The following SYNPO2L variants were observed in gnomAD, a reference collection of about 807,000 sequenced individuals.
SYNPO2L encodes synaptopodin 2 like, also known as synaptopodin 2-like protein.
In SYNPO2L, 34 loss-of-function variants were observed where a neutral mutation model predicts 47.5. That is an observed-to-expected ratio of 0.72 (90% CI 0.54 to 0.95). SYNPO2L has a LOEUF of 0.95. SYNPO2L is among the 40% of genes least tolerant of loss of function. SYNPO2L has a pLI of 0.00. For missense variants in SYNPO2L, 1,246 were observed against 1,282.0 expected (o/e 0.97, Z 0.43); for synonymous variants, 536 against 524.9 (o/e 1.02, Z -0.29).
rs548332100 is a variant in SYNPO2L, at chr10:73,646,426, G to A, written c.*292C>T. The A allele has an allele frequency of 3.5e-6, 4 of 1,130,928 alleles. No individual in the cohort carries two copies. The highest frequency in any genetic ancestry group is 4.3e-6 in the Non-Finnish European group (4 of 924,852). 70.1% of individuals were successfully genotyped at this position (1,130,928 alleles called of 1,614,324 possible). On this transcript the variant is annotated 3_prime_UTR_variant, in exon 4 of 4. Coordinates refer to ENST00000394810, the MANE Select transcript of SYNPO2L (RefSeq NM_001114133.3). ...AAAAGCACAAATGTCAAGGAAGAGA[G>A]ATCTGTGGAGGAATATGGGTGGAGA...
rs932522819 is a variant in SYNPO2L at position 73,653,670 on chromosome 10, A to G, written c.258-17T>C. 5 of 1,522,388 alleles carry G rather than the reference A, an allele frequency of 3.3e-6. No homozygotes were observed. In the African/African-American group the frequency reaches 6.9e-5, roughly 21 times the overall value. The allele number at this position is 1,522,388 out of a possible 1,614,324, so 94.3% of individuals were successfully genotyped here. On this transcript the variant is annotated splice_polypyrimidine_tract_variant and intron_variant, in intron 2 of 3. Transcript: ENST00000394810. ...TCTGCTAACCTGGATAGGAAAGATG[A>G]CAGAGCTTGAGAGATGGGCTGGGTA...
rs1589450750 is a variant in SYNPO2L at position 73,647,145 on chromosome 10, G to A, written c.2507C>T (p.Pro836Leu). 2 of 1,614,114 alleles carry A rather than the reference G, an allele frequency of 1.2e-6. No individual in the cohort carries two copies. Among genetic ancestry groups the A allele is most frequent in the Non-Finnish European group, 1.7e-6 (2 of 1,179,998 alleles). ...GATGCCCTGCTTGGGTGTTGCCCGA[G>A]GCCCCTGGGATTGGGCCTTAGGGAG... ...RTLPKAQSQG[P>L]RATPKQGIKA... Residue 836 changes from proline to leucine, a missense_variant, in exon 4 of 4, where the codon CCT becomes CTT. Coordinates refer to ENST00000394810, the MANE Select transcript of SYNPO2L (RefSeq NM_001114133.3).
At chr10:73,650,186 T>C (rs2081829141) in intron 3 of SYNPO2L, 1 of 985,334 alleles carries the variant, frequency 1.0e-6, no homozygotes, top group African/African-American at 1.7e-5. Flanking sequence ...TGAGATTCCA[T>C]CTACTTTCCA....
chr10:73,651,040 C>T, intron 3 of SYNPO2L: 1 of 1,599,318 alleles, frequency 6.3e-7, no homozygotes. Context: ...GGAGCAGGAC[C>T]AGCTTGAGCC....
At chr10:73,655,764 A>G in intron 1 of SYNPO2L, 54 bp downstream of exon 1, 1 of 1,021,774 alleles carries the variant, frequency 9.8e-7, no homozygotes, top group Non-Finnish European at 1.3e-6. Context: ...ATCTCTTCCC[A>G]GGATCCCTTG....
At chr10:73,655,368 G>A (rs1366353802) in intron 1 of SYNPO2L, among the ~76,000 whole-genome samples, 2 of 151,934 alleles carry the variant, frequency 1.3e-5, no homozygotes, top group Non-Finnish European at 2.9e-5. Context: ...GAAGGCATGG[G>A]CAGGGCAGGG....
At position 73,645,235 on chromosome 10, in the gene SYNPO2L, T is replaced by TCC; in HGVS notation, c.*1481_*1482dup. The TCC allele has an allele frequency of 4.5e-6, 5 of 1,108,462 alleles. No homozygotes were observed. The highest frequency in any genetic ancestry group is 3.3e-6 in the Non-Finnish European group (3 of 896,860). 68.7% of individuals were successfully genotyped at this position (1,108,462 alleles called of 1,614,324 possible). On this transcript the variant is annotated 3_prime_UTR_variant, in exon 4 of 4. Transcript: ENST00000394810. The stretch of plus-strand genomic sequence containing the variant: ...AACACTCAGCACACACCCTCACACC[T>TCC]CCCTTCCACCATCATTCCCTTCCAT...
chr10:73,647,596 A>T lies in SYNPO2L; in HGVS notation c.2056T>A (p.Phe686Ile). Residue 686 changes from phenylalanine to isoleucine, a missense_variant, in exon 4 of 4, where the codon TTC (phenylalanine) becomes ATC (isoleucine). Physicochemically the swap from Phe to Ile is conservative, Grantham distance 21. This residue lies in a region of SYNPO2L where 1,037 missense variants were observed against 1,021.5 expected (regional missense o/e 1.02). Transcript: ENST00000394810. ...ALSLGAEACN[F>I]MQPVGARSYK... ...CTCCTGGCCCCTACTGGCTGCATGAAGTTGCAGGCTTCAGCCCCGAGGCTC... is the reference window on the plus strand; with the variant it reads ...CTCCTGGCCCCTACTGGCTGCATGATGTTGCAGGCTTCAGCCCCGAGGCTC... 6.2e-7 allele frequency: 1 copy of T among 1,613,922 alleles called. No individual in the cohort carries two copies. Among genetic ancestry groups the T allele is most frequent in the Non-Finnish European group, 8.5e-7 (1 of 1,179,898 alleles).
chr10:73,649,080 A>G (rs1183612641), intron 3 of SYNPO2L, among the ~76,000 whole-genome samples: 1 of 152,178 alleles, frequency 6.6e-6, no homozygotes, highest in Non-Finnish European at 1.5e-5. Flanking sequence ...GATAAGGCAG[A>G]GTCCAGTTGG....
chr10:73,645,403 CTGCCA>C lies in SYNPO2L; in HGVS notation c.*1310_*1314del. On this transcript the variant is annotated 3_prime_UTR_variant, in exon 4 of 4. Coordinates refer to ENST00000394810, the MANE Select transcript of SYNPO2L (RefSeq NM_001114133.3). ...GTGGCTCAATCACTTACACTCATTT[CTGCCA>C]TGCTTCTGATTTTGGCCTCACTTGC... 2 of 1,001,512 alleles carry C rather than the reference CTGCCA, an allele frequency of 2.0e-6. No homozygotes were observed. Among genetic ancestry groups the C allele is most frequent in the Non-Finnish European group, 2.4e-6 (2 of 841,092 alleles). 62.0% of individuals were successfully genotyped at this position (1,001,512 alleles called of 1,614,324 possible).
At chr10:73,648,904 G>T (rs1275394717) in intron 3 of SYNPO2L, 25 bp from the exon 4 acceptor site, 1 of 1,485,108 alleles carries the variant, frequency 6.7e-7, no homozygotes, top group African/African-American at 1.4e-5. Context: ...AGGTAAAATG[G>T]TCAGGGGGGC....
At chr10:73,654,683 A>G (rs960487870) in intron 1 of SYNPO2L, among the ~76,000 whole-genome samples, 3 of 152,074 alleles carry the variant, frequency 2.0e-5, no homozygotes, top group African/African-American at 7.2e-5. Flanking sequence ...TCTCTACTAA[A>G]AGTACAAAAA....
chr10:73,654,277 G>A lies in SYNPO2L; in HGVS notation c.109C>T (p.Arg37Ter), dbSNP rs199587394. ...QRKPLQVSKIRRRSQAGRAGL... is the reference protein window; with the variant it reads ...QRKPLQVSKI ...GCTCTGCCAGCCTGGCTCCGTCTTC[G>A]AATCTGAGATGTTGAAGGAGACACT... Residue 37 changes from arginine (R) to a stop codon, truncating the protein, a stop_gained, in exon 2 of 4, where the codon CGA (arginine) becomes TGA (stop). Transcript: ENST00000394810. LOFTEE classifies it high-confidence loss of function. The A allele has an allele frequency of 1.9e-6, 3 of 1,551,328 alleles. No individual in the cohort carries two copies. Among genetic ancestry groups the A allele is most frequent in the African/African-American group, 2.7e-5 (2 of 72,978 alleles).
Position 73,647,866 on chromosome 10 carries a change from C to G in SYNPO2L, c.1786G>C (p.Ala596Pro). 6.5e-7 allele frequency: 1 copy of G among 1,536,194 alleles called. No individual in the cohort carries two copies. Among genetic ancestry groups the G allele is most frequent in the Non-Finnish European group, 8.7e-7 (1 of 1,145,762 alleles). Residue 596 changes from alanine to proline, a missense_variant, in exon 4 of 4, where the codon GCG becomes CCG. Physicochemically the swap from Ala to Pro is conservative, Grantham distance 27. Transcript: ENST00000394810. ...APLRPSARPE[A>P]PAPGPGAPEP... Reference sequence around the variant, plus strand: ...GGAGCCCCTGGGCCTGGGGCAGGCGCCTCTGGGCGCGCAGAGGGTCGCAAA... The same window carrying G: ...GGAGCCCCTGGGCCTGGGGCAGGCGGCTCTGGGCGCGCAGAGGGTCGCAAA...
rs761371733 is a variant in SYNPO2L, at chr10:73,648,687, T to A, written c.965A>T (p.Glu322Val). ...CGTGGGGGGAACGCCGTCCTCCTCCTCAGCGCCTGTCCCAGCAGCAGCCCC... is the reference window on the plus strand; with the variant it reads ...CGTGGGGGGAACGCCGTCCTCCTCCACAGCGCCTGTCCCAGCAGCAGCCCC... ...SFGAAAGTGA[E>V]EEDGVPPTSE... The change falls in exon 4 of 4, where the codon GAG becomes GTG. Residue 322 changes from glutamate (E) to valine (V), a missense_variant. Transcript: ENST00000394810. The A allele has an allele frequency of 6.2e-7, 1 of 1,610,144 alleles. No individual in the cohort carries two copies. Among genetic ancestry groups the A allele is most frequent in the Non-Finnish European group, 8.5e-7 (1 of 1,176,668 alleles).
At chr10:73,652,057 ACT>A (rs1387061078) in intron 3 of SYNPO2L, among the ~76,000 whole-genome samples, 1 of 116,916 alleles carries the variant, frequency 8.6e-6, no homozygotes. Flanking sequence ...ACAGTGCAAG[ACT>A]CTATCTCAAA....
At chr10:73,650,940 G>C in intron 3 of SYNPO2L, 1 of 1,613,828 alleles carries the variant, frequency 6.2e-7, no homozygotes, top group Non-Finnish European at 8.5e-7. Context: ...CTCAGGAACT[G>C]GGTCTGGGGC....
Position 73,654,165 on chromosome 10 carries a change from T to C in SYNPO2L, c.221A>G (p.Asp74Gly), listed in dbSNP as rs1355877220. ...GAGGACAAGCTGATTTCCTGAGGCA[T>C]CGATGAGGCTCATGGCACTGGCATG... is the stretch of plus-strand genomic sequence containing the variant. Reference protein sequence around the residue: ...LSHASAMSLIDASGNQLVLTV... With the variant: ...LSHASAMSLIGASGNQLVLTV... Residue 74 changes from aspartate to glycine, a missense_variant, in exon 2 of 4, where the codon GAT (aspartate) becomes GGT (glycine). Around this residue, in one of 3 missense-constraint regions of SYNPO2L, gnomAD observed 148 missense variants for 204.8 expected, o/e 0.72. Transcript: ENST00000394810. The C allele has an allele frequency of 2.6e-6, 4 of 1,551,522 alleles. No individual in the cohort carries two copies. Among genetic ancestry groups the C allele is most frequent in the Non-Finnish European group, 3.5e-6 (4 of 1,146,926 alleles).
In SYNPO2L at chr10:73,655,991, C is replaced by T; in HGVS notation, c.-69G>A. 1.5e-6 allele frequency: 2 copies of T among 1,361,720 alleles called. No homozygotes were observed. Among genetic ancestry groups the T allele is most frequent in the South Asian group, 2.8e-5 (2 of 71,358 alleles). 84.4% of individuals were successfully genotyped at this position (1,361,720 alleles called of 1,614,324 possible). A position where few individuals can be genotyped will look rare whatever the true frequency, so the allele number is the denominator to read the frequency against. ...CAGGAGAGAAGTTGAGGTGCTCGAA[C>T]CCCGTCTGGGCTTCCTGTCCGGCTG... On this transcript the variant is annotated 5_prime_UTR_variant, in exon 1 of 4. Transcript: ENST00000394810.
Sources: gnomAD v4.1 joint callset for allele counts (sites outside exome capture counted in the v4.1 genomes callset) on GRCh38, gnomAD v4.1.1 for gene constraint, gnomAD v4.1.1 regional missense constraint, MANE v1.5 for transcripts, NCBI Gene and HGNC (gene_info 2026-07-23, HGNC 2026-07-21) for gene names.